Variants in LPCAT1 observed in about 807,000 individuals in gnomAD.
LPCAT1 encodes 1-acylglycerol-3-phosphate O-acyltransferase.
In LPCAT1, 23 loss-of-function variants were observed where a neutral mutation model predicts 60.9. That is an observed-to-expected ratio of 0.38 (90% confidence interval 0.27 to 0.53). The LOEUF is 0.53. Among genes scored for constraint, LPCAT1 ranks in the 20% least tolerant of loss-of-function variants. The probability of loss-of-function intolerance (pLI) is 0.82; values close to 1 mark genes in which losing one functional copy is unlikely to be tolerated. For missense variants in LPCAT1, 622 were observed against 723.6 expected, an observed-to-expected ratio of 0.86 and a Z score of 1.61; for synonymous variants, 340 against 301.1, an observed-to-expected ratio of 1.13 and a Z score of -1.34.
Position 1,477,414 on chromosome 5 carries a change from C to T in LPCAT1, c.889G>A (p.Val297Ile). 1.2e-6 allele frequency: 2 copies of T among 1,613,982 alleles called. No homozygotes were observed. The highest frequency in any genetic ancestry group is 1.1e-5 in the South Asian group (1 of 91,076). Reference sequence around the variant, plus strand: ...GAGCTGCTCACTTACTCGGCCATGACTCGCCGCACGTTGCTGGCATACAGC... The same window carrying T: ...GAGCTGCTCACTTACTCGGCCATGATTCGCCGCACGTTGCTGGCATACAGC... ...PALYASNVRRVMAEALGVSVT... is the reference protein window; with the variant it reads ...PALYASNVRRIMAEALGVSVT... The change falls in exon 9 of 14, where the codon GTC becomes ATC. Residue 297 changes from valine (V) to isoleucine (I), a missense_variant. Around this residue, in one of 3 missense-constraint regions of LPCAT1, gnomAD observed 209 missense variants for 325.5 expected, o/e 0.64. Coordinates refer to ENST00000283415, the MANE Select transcript of LPCAT1 (RefSeq NM_024830.5). This position sits in a 1 kb window ranked among gnomAD's most constrained non-coding sequence, Gnocchi z 6.0.
At chr5:1,479,995 C>A (rs1177523752) in intron 7 of LPCAT1, among the ~76,000 whole-genome samples, 1 of 152,006 alleles carries the variant, frequency 6.6e-6, no homozygotes, top group Non-Finnish European at 1.5e-5. Flanking sequence ...TCCCTCCTCG[C>A]TGTCCCCAGG....
chr5:1,462,672 G>A lies in LPCAT1; in HGVS notation c.*979C>T, dbSNP rs370358935. ...CAGGAAGATGCAGCCGCTTCCAGCA[G>A]GGACCTGGCCTGAGGGCAAGGGAGG... On this transcript the variant is annotated 3_prime_UTR_variant, in exon 14 of 14. Transcript: ENST00000283415. 7 of 152,408 alleles carry A rather than the reference G, an allele frequency of 4.6e-5. No homozygotes were observed. Among genetic ancestry groups the A allele is most frequent in the African/African-American group, 1.7e-4 (7 of 41,574 alleles). The allele number at this position is 152,408 out of a possible 1,614,324, so 9.4% of individuals were successfully genotyped here.
At chr5:1,485,350 G>C (rs1265256301) in intron 5 of LPCAT1, among the ~76,000 whole-genome samples, 2 of 152,128 alleles carry the variant, frequency 1.3e-5, no homozygotes, top group African/African-American at 4.8e-5. Context: ...GCAGCACCCA[G>C]ACCCCGCCAG....
chr5:1,507,024 C>T (rs534525003), intron 1 of LPCAT1, among the ~76,000 whole-genome samples: 3 of 152,200 alleles, frequency 2.0e-5, no homozygotes, highest in Admixed American at 6.5e-5. Context: ...CAGGGATAAG[C>T]GGGCTGTTGC....
intron 12 of LPCAT1, among the ~76,000 whole-genome samples, chr5:1,467,507 G>A (rs970283974): frequency 2.5e-4 from 38 of 151,856 alleles, no homozygotes; most frequent in African/African-American, 8.2e-4. Flanking sequence ...CGGCGGCTCC[G>A]GCCCTCTCTG....
rs1283480430 is a variant in LPCAT1, at chr5:1,521,195, T to C, written c.135+2515A>G. On this transcript the variant is annotated intron_variant, in intron 1 of 13. Coordinates refer to ENST00000283415, the MANE Select transcript of LPCAT1 (RefSeq NM_024830.5). The surrounding 1 kb of genome is among the most constrained non-coding windows in gnomAD (Gnocchi z 4.3). ...TCAGATCTTAATGTGCTGTTTTCTG[T>C]CCAAAGAGATACTTAAGCTCCTCAC... 3.9e-5 allele frequency among the ~76,000 whole-genome samples: 6 copies of C among 152,216 alleles called. No homozygotes were observed. The highest frequency in any genetic ancestry group is 1.3e-4 in the Admixed American group (2 of 15,290).
chr5:1,507,567 G>A (rs1323556907), intron 1 of LPCAT1, among the ~76,000 whole-genome samples: 1 of 152,250 alleles, frequency 6.6e-6, no homozygotes, highest in South Asian at 2.1e-4. Context: ...GGTGGGAAAT[G>A]CAGAGATGAA....
At chr5:1,494,342 C>T (rs962948686) in intron 3 of LPCAT1, among the ~76,000 whole-genome samples, 1 of 152,210 alleles carries the variant, frequency 6.6e-6, no homozygotes, top group Non-Finnish European at 1.5e-5. Context: ...ACACAGGAAA[C>T]CCCAACACAG....
intron 2 of LPCAT1, among the ~76,000 whole-genome samples, chr5:1,499,253 C>T (rs1735918647): frequency 6.6e-6 from 1 of 152,204 alleles, no homozygotes; most frequent in Admixed American, 6.5e-5. Context: ...CCTGTGCTCG[C>T]ACGGGGCTCC....
rs537443223 is a variant in LPCAT1, at chr5:1,481,398, C to T, written c.727-422G>A. On this transcript the variant is annotated intron_variant, in intron 6 of 13. Transcript: ENST00000283415. The surrounding 1 kb of genome is among the most constrained non-coding windows in gnomAD (Gnocchi z 7.8). ...CCCGGGACCCCGGCCCTCTCCTGCC[C>T]ACCGCTCTCTCCAACTGCTCTGAGT... Among the ~76,000 whole-genome samples, 1 of 152,240 alleles carries T rather than the reference C, an allele frequency of 6.6e-6. No homozygotes were observed. The highest frequency in any genetic ancestry group is 2.4e-5 in the African/African-American group (1 of 41,462).
rs1204989681 is a variant in LPCAT1 at position 1,475,843 on chromosome 5, AGGCTGCTTCTCCCTCCC to A, written c.900-1175_900-1159del. On this transcript the variant is annotated intron_variant, in intron 9 of 13. Transcript: ENST00000283415. ...GGCCCCGCCCAGGCCCAGGAGTCCG[AGGCTGCTTCTCCCTCCC>A]ATCTCCACTCCGAGTGGGGCTGCAC... 2.4e-3 allele frequency among the ~76,000 whole-genome samples: 229 copies of A among 97,178 alleles called. 3 individuals are homozygous for A. The highest frequency in any genetic ancestry group is 7.3e-3 in the African/African-American group (199 of 27,246). 63.8% of individuals were successfully genotyped at this position (97,178 alleles called of 152,430 possible). A position where few individuals can be genotyped will look rare whatever the true frequency, so the allele number is the denominator to read the frequency against.
In LPCAT1 at chr5:1,496,417, C is replaced by CAAAA. The variant is rs755376822; in HGVS notation, c.279-1507_279-1504dup. 8.2e-6 allele frequency among the ~76,000 whole-genome samples: 1 copy of CAAAA among 122,022 alleles called. No homozygotes were observed. The highest frequency in any genetic ancestry group is 3.0e-5 in the African/African-American group (1 of 33,798). The allele number at this position is 122,022 out of a possible 152,430, so 80.1% of individuals were successfully genotyped here. The stretch of plus-strand genomic sequence containing the variant: ...TCTTCTGTGCACATGTTATTTTCCA[C>CAAAA]AAAAAAAAAAAAAAAGTACAAAAAC... On this transcript the variant is annotated intron_variant, in intron 2 of 13. Coordinates refer to ENST00000283415, the MANE Select transcript of LPCAT1 (RefSeq NM_024830.5). The surrounding 1 kb of genome is among the most constrained non-coding windows in gnomAD (Gnocchi z 4.7).
chr5:1,478,193 T>TA (rs1735000928), intron 8 of LPCAT1, among the ~76,000 whole-genome samples: 1 of 152,270 alleles, frequency 6.6e-6, no homozygotes, highest in African/African-American at 2.4e-5. Flanking sequence ...GAGTGACACT[T>TA]ACACAGCATT....
chr5:1,514,524 C>T (rs1437512488), intron 1 of LPCAT1, among the ~76,000 whole-genome samples: 1 of 152,182 alleles, frequency 6.6e-6, no homozygotes, highest in Non-Finnish European at 1.5e-5. Flanking sequence ...CACACGGGGC[C>T]CACAGGTGGT....
intron 12 of LPCAT1, among the ~76,000 whole-genome samples, chr5:1,467,705 G>A (rs1445789134): frequency 6.6e-6 from 1 of 150,938 alleles, no homozygotes; most frequent in African/African-American, 2.5e-5. Flanking sequence ...TCCTGCCCCA[G>A]CCCTTTAGGC....
At chr5:1,488,651 G>A (rs1234281304) in intron 4 of LPCAT1, among the ~76,000 whole-genome samples, 200 bp from the exon 5 acceptor site, 1 of 152,344 alleles carries the variant, frequency 6.6e-6, no homozygotes, top group Non-Finnish European at 1.5e-5. Flanking sequence ...ATTAAAGTGT[G>A]GCAGCAGTAT....
Position 1,508,864 on chromosome 5 carries a change from A to G in LPCAT1, c.136-7261T>C, listed in dbSNP as rs1736265737. On this transcript the variant is annotated intron_variant, in intron 1 of 13. Coordinates refer to ENST00000283415, the MANE Select transcript of LPCAT1 (RefSeq NM_024830.5). The stretch of plus-strand genomic sequence containing the variant: ...GGCAAACCCCTCCCTCGTCTCTGCC[A>G]AGGCCACCAGGGCCGTAAGCAGCCC... Among the ~76,000 whole-genome samples, 5 of 152,340 alleles carry G rather than the reference A, an allele frequency of 3.3e-5. No individual in the cohort carries two copies. In the South Asian group the frequency reaches 1.0e-3, roughly 32 times the overall value.
chr5:1,469,323 C>T (rs551175723), intron 12 of LPCAT1, among the ~76,000 whole-genome samples: 1 of 152,314 alleles, frequency 6.6e-6, no homozygotes, highest in African/African-American at 2.4e-5. Flanking sequence ...CTCAACCCTA[C>T]CACAGCCAGT....
chr5:1,480,210 A>G lies in LPCAT1; in HGVS notation c.762-535T>C. On this transcript the variant is annotated intron_variant, in intron 7 of 13. Transcript: ENST00000283415. The surrounding 1 kb of genome is among the most constrained non-coding windows in gnomAD (Gnocchi z 6.4). ...CCAGCCCCAGCCCTAGGCCCCCGGG[A>G]CCCCAGAACCCCTATACCCCCCAGA... 1.0e-4 allele frequency: 21 copies of G among 205,148 alleles called. No individual in the cohort carries two copies. The highest frequency in any genetic ancestry group is 1.6e-4 in the Non-Finnish European group (19 of 122,186). 12.7% of individuals were successfully genotyped at this position (205,148 alleles called of 1,614,324 possible).
Sources: gnomAD v4.1 joint callset for allele counts (sites outside exome capture counted in the v4.1 genomes callset) on GRCh38, gnomAD v4.1.1 for gene constraint, gnomAD v4.1.1 regional missense constraint, Gnocchi (gnomAD v3.1) non-coding constraint, MANE v1.5 for transcripts, NCBI Gene and HGNC (gene_info 2026-07-23, HGNC 2026-07-21) for gene names.